RAB33B: variants seen among roughly 807,000 people sequenced by gnomAD.
RAB33B encodes the protein RAB33B, member RAS oncogene family.
RAB33B carries 6 observed loss-of-function variants against 15.0 expected under a neutral mutation model. The observed-to-expected ratio is 0.40, with a 90% CI of 0.22 to 0.79. The LOEUF is 0.79. Among genes scored for constraint, RAB33B ranks in the 30% least tolerant of loss-of-function variants. The pLI is 0.37. For missense variants in RAB33B, 257 were observed against 296.4 expected, an observed-to-expected ratio of 0.87 and a Z score of 0.98; for synonymous variants, 117 against 108.3, an observed-to-expected ratio of 1.08 and a Z score of -0.50.
intron 1 of RAB33B, among the ~76,000 whole-genome samples, chr4:139,465,572 T>G (rs1490278895): frequency 1.3e-5 from 2 of 152,136 alleles, no homozygotes; most frequent in African/African-American, 4.8e-5. Flanking sequence ...TTGTATAAGG[T>G]GTAAGGAAGG....
Position 139,474,462 on chromosome 4 carries a change from A to G in RAB33B, c.*1336A>G, listed in dbSNP as rs570513693. ...TATCTCTTGCTCTTCCTTCAACTCC[A>G]ATAAATTTAATGACTAAATGCCAAG... On this transcript the variant is annotated 3_prime_UTR_variant, in exon 2 of 2. Transcript: ENST00000305626. 1 of 152,424 alleles carries G rather than the reference A, an allele frequency of 6.6e-6. No homozygotes were observed. Among genetic ancestry groups the G allele is most frequent in the Non-Finnish European group, 1.5e-5 (1 of 68,026 alleles). The allele number at this position is 152,424 out of a possible 1,614,324, so 9.4% of individuals were successfully genotyped here.
At chr4:139,444,202 A>G in the RAB33B span, among the ~76,000 whole-genome samples, 8 of 152,214 alleles carry the variant, frequency 5.3e-5, no homozygotes, top group Admixed American at 5.2e-4. Context: ...TTAATGTTGC[A>G]GCTCGGGGAG....
chr4:139,446,577 G>C, the RAB33B span, among the ~76,000 whole-genome samples: 9 of 152,342 alleles, frequency 5.9e-5, no homozygotes, highest in South Asian at 1.9e-3. Context: ...GTATCTCTCT[G>C]AGTGGTCAAA....
intron 1 of RAB33B, among the ~76,000 whole-genome samples, chr4:139,461,532 A>T (rs1283825081): frequency 2.0e-5 from 3 of 152,220 alleles, no homozygotes; most frequent in Admixed American, 6.5e-5. Context: ...CCTGGAGTAT[A>T]CATGGAATGT....
At chr4:139,461,231 A>C (rs1476161806) in intron 1 of RAB33B, among the ~76,000 whole-genome samples, 2 of 152,166 alleles carry the variant, frequency 1.3e-5, no homozygotes, top group Non-Finnish European at 2.9e-5. Context: ...CGTAGGTCAC[A>C]TGCCCTCCCT....
chr4:139,465,817 TC>T (rs1339374894), intron 1 of RAB33B, among the ~76,000 whole-genome samples: 3 of 151,214 alleles, frequency 2.0e-5, no homozygotes, highest in Non-Finnish European at 4.4e-5. Context: ...GCAGCCTTGA[TC>T]TCCTGGGCTT....
chr4:139,463,224 G>A (rs992180155), intron 1 of RAB33B, among the ~76,000 whole-genome samples: 8 of 152,182 alleles, frequency 5.3e-5, no homozygotes, highest in African/African-American at 1.2e-4. Flanking sequence ...GAGTGCAATG[G>A]TGCGATGTCA....
At chr4:139,468,506 TATTG>T (rs1750332389) in intron 1 of RAB33B, among the ~76,000 whole-genome samples, 1 of 152,248 alleles carries the variant, frequency 6.6e-6, no homozygotes. Flanking sequence ...TATCTTATTG[TATTG>T]ATTATGTCTT....
chr4:139,454,746 G>A (rs1378818152), intron 1 of RAB33B, among the ~76,000 whole-genome samples: 1 of 152,210 alleles, frequency 6.6e-6, no homozygotes, highest in African/African-American at 2.4e-5. Flanking sequence ...GTTCAGGAGT[G>A]TAGGGCTTAT....
intron 1 of RAB33B, among the ~76,000 whole-genome samples, chr4:139,470,739 A>G (rs1750372751): frequency 6.6e-6 from 1 of 152,124 alleles, no homozygotes; most frequent in Non-Finnish European, 1.5e-5. Flanking sequence ...AAGGCTCTTC[A>G]GTTAGCAGTG....
At chr4:139,463,952 T>TA (rs1750222710) in intron 1 of RAB33B, among the ~76,000 whole-genome samples, 1 of 152,224 alleles carries the variant, frequency 6.6e-6, no homozygotes, top group East Asian at 1.9e-4. Context: ...CATTATTAGT[T>TA]ACGTTTATGG....
chr4:139,440,556 A>G, the RAB33B span, among the ~76,000 whole-genome samples: 1 of 152,094 alleles, frequency 6.6e-6, no homozygotes, highest in Non-Finnish European at 1.5e-5. Context: ...GCTGCGTGCC[A>G]TGAGATTCAG....
chr4:139,449,159 C>T (rs1749878850), upstream of RAB33B: 1 of 152,226 alleles, frequency 6.6e-6, no homozygotes, highest in Non-Finnish European at 1.5e-5. Flanking sequence ...TGCGCCCAGC[C>T]TCCTTTTATC....
intron 1 of RAB33B, 95 bp downstream of exon 1, chr4:139,454,539 C>T: frequency 1.4e-6 from 2 of 1,386,872 alleles, no homozygotes; most frequent in South Asian, 1.4e-5. Context: ...TGTGTGTGCG[C>T]TCCATTTTTT....
At chr4:139,468,999 T>G (rs1277066422) in intron 1 of RAB33B, among the ~76,000 whole-genome samples, 2 of 152,198 alleles carry the variant, frequency 1.3e-5, no homozygotes, top group Non-Finnish European at 2.9e-5. Context: ...TCTTTATTCT[T>G]GACCTTTGGG....
At chr4:139,463,049 G>A (rs975113264) in intron 1 of RAB33B, among the ~76,000 whole-genome samples, 7 of 152,130 alleles carry the variant, frequency 4.6e-5, no homozygotes, top group African/African-American at 9.7e-5. Flanking sequence ...TCCTGTAGTC[G>A]CAGCTACTCA....
the RAB33B span, among the ~76,000 whole-genome samples, chr4:139,442,955 G>C: frequency 6.6e-6 from 1 of 151,900 alleles, no homozygotes; most frequent in Non-Finnish European, 1.5e-5. Flanking sequence ...AAATGCTAAG[G>C]ACTCTAATAG....
At chr4:139,454,783 G>T (rs1005544357) in intron 1 of RAB33B, among the ~76,000 whole-genome samples, 2 of 152,142 alleles carry the variant, frequency 1.3e-5, no homozygotes, top group African/African-American at 4.8e-5. Flanking sequence ...TGTGTGTGTC[G>T]TGTGCTGGGA....
In RAB33B at chr4:139,472,987, A is replaced by C; in HGVS notation, c.551A>C (p.Asp184Ala). 1 of 1,614,198 alleles carries C rather than the reference A, an allele frequency of 6.2e-7. No homozygotes were observed. The highest frequency in any genetic ancestry group is 8.5e-7 in the Non-Finnish European group (1 of 1,180,030). Residue 184 changes from aspartate (D) to alanine (A), a missense_variant, in exon 2 of 2, where the codon GAT becomes GCT. Asp to Ala is a moderately radical substitution (Grantham distance 126). Coordinates refer to ENST00000305626, the MANE Select transcript of RAB33B (RefSeq NM_031296.3). ...LFETSAKNPNDNDHVEAIFMT... is the reference protein window; with the variant it reads ...LFETSAKNPNANDHVEAIFMT... ...GAAACGTCTGCTAAAAACCCCAATG[A>C]TAATGACCATGTGGAAGCTATATTT... is the stretch of plus-strand genomic sequence containing the variant.
Sources: allele counts gnomAD v4.1 joint callset (sites outside exome capture counted in the v4.1 genomes callset), GRCh38; gene constraint gnomAD v4.1.1; transcripts MANE v1.5; gene names NCBI Gene and HGNC (gene_info 2026-07-23, HGNC 2026-07-21).